The following GUCA1B variants were observed in gnomAD, a reference collection of about 807,000 sequenced individuals.
GUCA1B encodes the protein guanylate cyclase activator 1B.
Under a neutral mutation model 24.2 loss-of-function variants are expected in GUCA1B, and 22 were observed. That is an observed-to-expected ratio of 0.91 (90% CI 0.65 to 1.30). The LOEUF is 1.30. Among genes scored for constraint, GUCA1B ranks in the 50% most tolerant of loss-of-function variants. GUCA1B has a pLI of 0.00. For missense variants in GUCA1B, 221 were observed against 258.8 expected (o/e 0.85, Z 1.00); for synonymous variants, 100 against 97.9 (o/e 1.02, Z -0.13).
At chr6:42,193,095 G>A (rs1254909883) in intron 1 of GUCA1B, among the ~76,000 whole-genome samples, 5 of 152,282 alleles carry the variant, frequency 3.3e-5, no homozygotes, top group Admixed American at 3.3e-4. Context: ...TGGATAAATT[G>A]CATATGGGAG....
chr6:42,192,038 CAAA>C (rs35283316), intron 1 of GUCA1B, among the ~76,000 whole-genome samples: 3 of 116,894 alleles, frequency 2.6e-5, no homozygotes, highest in Admixed American at 9.1e-5. Flanking sequence ...TATGATCATA[CAAA>C]AAAAAAAAAA....
rs1473814735 is a variant in GUCA1B, at chr6:42,188,562, C to A, written c.357+20G>T. 2 of 1,613,046 alleles carry A rather than the reference C, an allele frequency of 1.2e-6. No individual in the cohort carries two copies. Among genetic ancestry groups the A allele is most frequent in the Non-Finnish European group, 1.7e-6 (2 of 1,179,254 alleles). On this transcript the variant is annotated intron_variant, in intron 2 of 3. Transcript: ENST00000230361. ...GTGCTCTAGTGCCCAGGCTGCTGGC[C>A]CATGGGCAGAGACACTAACCTCCAC...
Position 42,184,803 on chromosome 6 carries a change from G to A in GUCA1B, c.*12C>T. On this transcript the variant is annotated 3_prime_UTR_variant, in exon 4 of 4. Coordinates refer to ENST00000230361, the MANE Select transcript of GUCA1B (RefSeq NM_002098.6). ...TGGGTGAGCCTGGAGTCGTGGAGGG[G>A]CCCCAGACTCCTCAGAACATGGCAC... 6.2e-7 allele frequency: 1 copy of A among 1,613,446 alleles called. No individual in the cohort carries two copies. Among genetic ancestry groups the A allele is most frequent in the East Asian group, 2.2e-5 (1 of 44,858 alleles).
intron 3 of GUCA1B, among the ~76,000 whole-genome samples, 165 bp from the exon 4 acceptor site, chr6:42,185,107 A>C (rs1466371262): frequency 1.3e-5 from 2 of 152,182 alleles, no homozygotes; most frequent in Non-Finnish European, 2.9e-5. Context: ...AATCTCCAGG[A>C]GTCTCCTGCC....
chr6:42,191,432 C>G (rs1455707565), intron 1 of GUCA1B, among the ~76,000 whole-genome samples: 1 of 152,086 alleles, frequency 6.6e-6, no homozygotes, highest in Non-Finnish European at 1.5e-5. Flanking sequence ...CTTTAGAAAT[C>G]TCAGACCGAT....
At chr6:42,190,566 A>G (rs1361956673) in intron 1 of GUCA1B, among the ~76,000 whole-genome samples, 1 of 152,086 alleles carries the variant, frequency 6.6e-6, no homozygotes, top group African/African-American at 2.4e-5. Flanking sequence ...GTTACTTATT[A>G]AGCTTACCAC....
intron 1 of GUCA1B, among the ~76,000 whole-genome samples, chr6:42,192,382 AG>A (rs1419236188): frequency 1.2e-4 from 1 of 8,240 alleles, no homozygotes; most frequent in African/African-American, 4.1e-4. Context: ...AAAAAAAAAG[AG>A]AGAAAAGAAA....
At position 42,184,260 on chromosome 6, in the gene GUCA1B, T is replaced by C. The variant is rs1768155570; in HGVS notation, c.*555A>G. 6.0e-6 allele frequency: 1 copy of C among 165,404 alleles called. No homozygotes were observed. Among genetic ancestry groups the C allele is most frequent in the Non-Finnish European group, 1.3e-5 (1 of 75,558 alleles). 10.2% of individuals were successfully genotyped at this position (165,404 alleles called of 1,614,324 possible). ...GCCCGCCACCTCACCCGGCTGATTTTTTGTATTTTTAGTAGAGACGGGGTT... is the reference window on the plus strand; with the variant it reads ...GCCCGCCACCTCACCCGGCTGATTTCTTGTATTTTTAGTAGAGACGGGGTT... On this transcript the variant is annotated 3_prime_UTR_variant, in exon 4 of 4. Transcript: ENST00000230361.
In GUCA1B at chr6:42,188,734, G is replaced by A; in HGVS notation, c.208-3C>T. On this transcript the variant is annotated splice_region_variant and splice_polypyrimidine_tract_variant and intron_variant, in intron 1 of 3. Transcript: ENST00000230361. The stretch of plus-strand genomic sequence containing the variant: ...TCCAGGAAGTCGATGGTGTTGTCCT[G>A]CATTAGATGTGGATGCTGCTGAGGG... 1 of 1,613,062 alleles carries A rather than the reference G, an allele frequency of 6.2e-7. No homozygotes were observed. The highest frequency in any genetic ancestry group is 8.5e-7 in the Non-Finnish European group (1 of 1,179,572).
intron 1 of GUCA1B, among the ~76,000 whole-genome samples, chr6:42,192,353 C>CAAAAAAAAA (rs552941208): frequency 7.0e-5 from 4 of 57,194 alleles, no homozygotes; most frequent in Non-Finnish European, 8.4e-5. Flanking sequence ...GACTCCAACT[C>CAAAAAAAAA]AAAAAAAAAA....
At chr6:42,193,173 A>G (rs1299632735) in intron 1 of GUCA1B, among the ~76,000 whole-genome samples, 2 of 152,180 alleles carry the variant, frequency 1.3e-5, no homozygotes, top group African/African-American at 4.8e-5. Flanking sequence ...AGTTATTCAA[A>G]AAGGAAAAAA....
At position 42,184,191 on chromosome 6, in the gene GUCA1B, G is replaced by A. The variant is rs572802574; in HGVS notation, c.*624C>T. Among the ~76,000 whole-genome samples the A allele has an allele frequency of 2.0e-5, 3 of 151,716 alleles. No individual in the cohort carries two copies. The highest frequency in any genetic ancestry group is 7.3e-5 in the African/African-American group (3 of 41,338). On this transcript the variant is annotated 3_prime_UTR_variant, in exon 4 of 4. Transcript: ENST00000230361. ...GTAGGCTCGGCCCCCTGGGGTTCACGCCATTCTCTTGCCTCAGCCTCCTGA... is the reference window on the plus strand; with the variant it reads ...GTAGGCTCGGCCCCCTGGGGTTCACACCATTCTCTTGCCTCAGCCTCCTGA...
Position 42,188,727 on chromosome 6 carries a change from T to G in GUCA1B, c.212A>C (p.Asn71Thr), listed in dbSNP as rs561485962. The G allele has an allele frequency of 1.9e-6, 3 of 1,613,526 alleles. No individual in the cohort carries two copies. Among genetic ancestry groups the G allele is most frequent in the African/African-American group, 2.7e-5 (2 of 75,026 alleles). ...MFRAFDKNGD[N>T]TIDFLEYVAA... Reference sequence around the variant, plus strand: ...CACGTACTCCAGGAAGTCGATGGTGTTGTCCTGCATTAGATGTGGATGCTG... The same window carrying G: ...CACGTACTCCAGGAAGTCGATGGTGGTGTCCTGCATTAGATGTGGATGCTG... Residue 71 changes from asparagine to threonine, a missense_variant, in exon 2 of 4, where the codon AAC (asparagine) becomes ACC (threonine). By Grantham distance (65) the Asn-to-Thr change is moderately conservative. Coordinates refer to ENST00000230361, the MANE Select transcript of GUCA1B (RefSeq NM_002098.6).
Position 42,183,818 on chromosome 6 carries a change from G to A in GUCA1B, c.*997C>T, listed in dbSNP as rs114197333. Among the ~76,000 whole-genome samples the A allele has an allele frequency of 3.8e-3, 572 of 152,314 alleles. 4 individuals are homozygous for A. Among genetic ancestry groups the A allele is most frequent in the African/African-American group, 0.013 (542 of 41,566 alleles). ...ACTGGGGGATATGGATGGAAAGAGA[G>A]GATTGTTGGGGGAGTGGTGGGTTGG... On this transcript the variant is annotated 3_prime_UTR_variant, in exon 4 of 4. Transcript: ENST00000230361.
intron 2 of GUCA1B, among the ~76,000 whole-genome samples, chr6:42,187,757 A>G (rs1318247048): frequency 6.6e-6 from 1 of 151,576 alleles, no homozygotes; most frequent in Non-Finnish European, 1.5e-5. Flanking sequence ...ATTTCCTGAG[A>G]TGGTTTCTTA....
chr6:42,194,909 C>A lies in GUCA1B; in HGVS notation c.-89G>T, dbSNP rs1768372771. ...TCTCTCCAACTAGGGCCCTCTTCCTCCCTTTCCAGGAGGCCTGATCAGCCT... is the reference window on the plus strand; with the variant it reads ...TCTCTCCAACTAGGGCCCTCTTCCTACCTTTCCAGGAGGCCTGATCAGCCT... On this transcript the variant is annotated 5_prime_UTR_variant, in exon 1 of 4. Coordinates refer to ENST00000230361, the MANE Select transcript of GUCA1B (RefSeq NM_002098.6). The A allele has an allele frequency of 2.1e-6, 2 of 939,656 alleles. No individual in the cohort carries two copies. The highest frequency in any genetic ancestry group is 4.0e-5 in the Admixed American group (2 of 50,290). 58.2% of individuals were successfully genotyped at this position (939,656 alleles called of 1,614,324 possible).
chr6:42,185,548 A>T (rs1768178548), intron 3 of GUCA1B, 132 bp downstream of exon 3: 1 of 700,070 alleles, frequency 1.4e-6, no homozygotes. Context: ...AGTTCATGAC[A>T]TCTTCTCCAC....
chr6:42,185,190 G>A (rs1768172514), intron 3 of GUCA1B, among the ~76,000 whole-genome samples: 1 of 152,224 alleles, frequency 6.6e-6, no homozygotes, highest in East Asian at 1.9e-4. Context: ...AATGCTGGGT[G>A]GAGCTGAGAG....
chr6:42,188,937 G>A (rs56183417), intron 1 of GUCA1B, among the ~76,000 whole-genome samples: 23,058 of 113,728 alleles, frequency 0.2, 3,117 homozygotes, highest in African/African-American at 0.49. Context: ...CTCTCTATCT[G>A]ACTATCTATC....
Sources: gnomAD v4.1 joint callset for allele counts (sites outside exome capture counted in the v4.1 genomes callset) on GRCh38, gnomAD v4.1.1 for gene constraint, MANE v1.5 for transcripts, NCBI Gene and HGNC (gene_info 2026-07-23, HGNC 2026-07-21) for gene names.